The following PRH1 variants were observed in gnomAD, a reference collection of about 807,000 sequenced individuals.
PRH1 encodes the protein proline rich protein HaeIII subfamily 1.
In PRH1, 7 loss-of-function variants were observed where a neutral mutation model predicts 7.9. The ratio of observed to expected loss-of-function variants is 0.89; its 90% CI spans 0.50 to 1.67. The LOEUF is 1.67. Among genes scored for constraint, PRH1 ranks in the 40% most tolerant of loss-of-function variants. PRH1 has a pLI of 0.00. For synonymous variants in PRH1, 45 were observed against 80.8 expected (o/e 0.56, Z 2.38); for missense variants, 109 against 223.6 (o/e 0.49, Z 3.27).
intron 2 of PRH1, among the ~76,000 whole-genome samples, chr12:10,952,880 A>G (rs1937753462): frequency 6.6e-6 from 1 of 152,120 alleles, no homozygotes; most frequent in African/African-American, 2.4e-5. Flanking sequence ...TCACTATTCA[A>G]TGAAGAGCTT....
intron 2 of PRH1, among the ~76,000 whole-genome samples, chr12:10,939,570 G>A (rs1424755558): frequency 1.8e-5 from 1 of 54,432 alleles, no homozygotes; most frequent in African/African-American, 7.1e-5. Flanking sequence ...TTTTTTTTTT[G>A]TCTTATCTAC....
intron 1 of PRH1, among the ~76,000 whole-genome samples, chr12:11,001,168 G>GTT (rs1940576175): frequency 6.7e-6 from 1 of 148,870 alleles, no homozygotes. Flanking sequence ...TTTTTTAGGG[G>GTT]GGGATAGCAG....
intron 1 of PRH1, chr12:11,133,175 T>G: frequency 7.3e-7 from 1 of 1,375,216 alleles, no homozygotes; most frequent in Non-Finnish European, 9.7e-7. Flanking sequence ...AGACTAACTT[T>G]AGGTAAAAGA....
At chr12:11,044,623 A>T (rs1253386942) in intron 1 of PRH1, among the ~76,000 whole-genome samples, 1 of 152,188 alleles carries the variant, frequency 6.6e-6, no homozygotes, top group Non-Finnish European at 1.5e-5. Flanking sequence ...ATCTGATCAA[A>T]CAATGGGTGA....
intron 1 of PRH1, chr12:11,078,172 T>A: frequency 1.9e-6 from 1 of 531,250 alleles, no homozygotes; most frequent in African/African-American, 1.9e-5. Flanking sequence ...TATGAAGCCA[T>A]TGGAAAAATT....
upstream of PRH1, chr12:11,049,365 G>C: frequency 8.2e-6 from 2 of 244,978 alleles, no homozygotes; most frequent in Non-Finnish European, 1.6e-5. Context: ...TAAATGTGTA[G>C]TAACATTTTC....
chr12:11,058,418 C>T (rs935602872), intron 1 of PRH1, among the ~76,000 whole-genome samples: 2 of 152,270 alleles, frequency 1.3e-5, no homozygotes, highest in African/African-American at 4.8e-5. Flanking sequence ...CATGTCAAAA[C>T]AATCTTTTTT....
intron 1 of PRH1, among the ~76,000 whole-genome samples, chr12:10,977,416 C>G (rs1345066064): frequency 6.6e-6 from 1 of 152,128 alleles, no homozygotes; most frequent in Non-Finnish European, 1.5e-5. Context: ...GTATATACTT[C>G]ACAATAATAA....
At chr12:11,139,490 A>G (rs779376784) in intron 1 of PRH1, among the ~76,000 whole-genome samples, 1 of 152,214 alleles carries the variant, frequency 6.6e-6, no homozygotes, top group African/African-American at 2.4e-5. Context: ...TTTATGTAAA[A>G]GATCATTCCA....
chr12:11,070,067 C>T (rs1328262753), intron 1 of PRH1, among the ~76,000 whole-genome samples: 1 of 152,142 alleles, frequency 6.6e-6, no homozygotes, highest in Non-Finnish European at 1.5e-5. Flanking sequence ...AGGGCTCCCA[C>T]CACCCACAAG....
intron 2 of PRH1, among the ~76,000 whole-genome samples, chr12:10,968,478 T>C (rs1220166438): frequency 2.0e-5 from 3 of 152,246 alleles, no homozygotes; most frequent in Admixed American, 6.5e-5. Flanking sequence ...AGCTAATAAA[T>C]GTGACCATTC....
intron 1 of PRH1, among the ~76,000 whole-genome samples, chr12:11,028,935 C>G (rs536507364): frequency 1.0e-4 from 16 of 152,392 alleles, no homozygotes; most frequent in Admixed American, 4.6e-4. Flanking sequence ...GTGTGAGTTT[C>G]CTTTTCACTG....
At chr12:11,111,203 G>A (rs915188486) in intron 1 of PRH1, among the ~76,000 whole-genome samples, 2 of 152,144 alleles carry the variant, frequency 1.3e-5, no homozygotes, top group Non-Finnish European at 2.9e-5. Flanking sequence ...CAATAATAGT[G>A]AGAGACTTTA....
chr12:11,151,294 C>A, intron 1 of PRH1, among the ~76,000 whole-genome samples: 1 of 151,512 alleles, frequency 6.6e-6, no homozygotes, highest in Admixed American at 6.6e-5. Context: ...TTTCAATGTG[C>A]CCTGCTTATG....
At chr12:11,127,618 TCA>T (rs368466921) in intron 1 of PRH1, among the ~76,000 whole-genome samples, 2 of 134,082 alleles carry the variant, frequency 1.5e-5, no homozygotes. Context: ...ACAAACACAT[TCA>T]CACACACACA....
chr12:10,981,851 C>T (rs1939372369), intron 1 of PRH1, among the ~76,000 whole-genome samples: 1 of 143,666 alleles, frequency 7.0e-6, no homozygotes, highest in Non-Finnish European at 1.5e-5. Flanking sequence ...GCACACACTA[C>T]CACAAACAAC....
rs769906007 is a variant in PRH1, at chr12:10,908,766, G to A, written c.-58-24491C>T. 5.6e-6 allele frequency: 9 copies of A among 1,613,782 alleles called. No individual in the cohort carries two copies. The African/African-American group carries it at 9.3e-5, about 17-fold the overall frequency. ...GAACATAGTCATAGTGAATTTGACCGACACTGAAAATGTTTCAAAGTCACT... is the reference window on the plus strand; with the variant it reads ...GAACATAGTCATAGTGAATTTGACCAACACTGAAAATGTTTCAAAGTCACT... On this transcript the variant is annotated intron_variant, in intron 2 of 3. Transcript: ENST00000539853.
chr12:10,898,261 C>CA (rs1170396275), intron 2 of PRH1, among the ~76,000 whole-genome samples: 1 of 152,076 alleles, frequency 6.6e-6, no homozygotes, highest in Non-Finnish European at 1.5e-5. Flanking sequence ...TAGTGACATT[C>CA]AAAACCAATG....
At chr12:11,019,087 T>C (rs568762580) in intron 1 of PRH1, among the ~76,000 whole-genome samples, 195 of 152,402 alleles carry the variant, frequency 1.3e-3, no homozygotes, top group African/African-American at 4.6e-3. Context: ...GGTTGGATAA[T>C]GTAAGGAAGA....
Sources: allele counts gnomAD v4.1 joint callset (sites outside exome capture counted in the v4.1 genomes callset), GRCh38; gene constraint gnomAD v4.1.1; transcripts MANE v1.5; gene names NCBI Gene and HGNC (gene_info 2026-07-23, HGNC 2026-07-21).